Variants in NET1 observed in about 807,000 individuals in gnomAD.
NET1 encodes neuroepithelial cell-transforming gene 1 protein.
NET1 carries 42 observed loss-of-function variants against 61.1 expected under a neutral mutation model. The ratio of observed to expected loss-of-function variants is 0.69; its 90% CI spans 0.54 to 0.89. The LOEUF is 0.89. Ranked by LOEUF, NET1 falls within the 40% of genes least tolerant of loss-of-function variation. The pLI is 0.00. For synonymous variants in NET1, 254 were observed against 281.8 expected (o/e 0.90, Z 0.99); for missense variants, 654 against 747.3 (o/e 0.88, Z 1.46).
In NET1 at chr10:5,446,865, CTT is replaced by C; in HGVS notation, c.256-4963_256-4962del. ...GTCCTTCAGAGAACAAGAGGTAAGA[CTT>C]TAAGAGAAACGTTAGGCAAAAGGAA... On this transcript the variant is annotated intron_variant, in intron 3 of 11. Transcript: ENST00000355029. The surrounding 1 kb of genome is among the most constrained non-coding windows in gnomAD (Gnocchi z 5.0). 1.3e-6 allele frequency: 2 copies of C among 1,597,524 alleles called. No individual in the cohort carries two copies. Among genetic ancestry groups the C allele is most frequent in the Non-Finnish European group, 1.7e-6 (2 of 1,170,176 alleles).
chr10:5,433,030 G>T (rs1832373384), intron 3 of NET1, among the ~76,000 whole-genome samples: 1 of 151,978 alleles, frequency 6.6e-6, no homozygotes, highest in Non-Finnish European at 1.5e-5. Context: ...AAATACTATT[G>T]CTTGACTTGT....
At position 5,441,340 on chromosome 10, in the gene NET1, G is replaced by A. The variant is rs1452969757; in HGVS notation, c.256-10490G>A. Among the ~76,000 whole-genome samples the A allele has an allele frequency of 6.6e-6, 1 of 152,250 alleles. No homozygotes were observed. Among genetic ancestry groups the A allele is most frequent in the Non-Finnish European group, 1.5e-5 (1 of 68,038 alleles). ...TGCAGCTGAGGCAAGGGACTGTGGG[G>A]TCACTCCTGTGGGGAGCCAGTTGCT... is the stretch of plus-strand genomic sequence containing the variant. On this transcript the variant is annotated intron_variant, in intron 3 of 11. Transcript: ENST00000355029. This position sits in a 1 kb window ranked among gnomAD's most constrained non-coding sequence, Gnocchi z 4.6.
At chr10:5,442,849 C>G (rs1832543450) in intron 3 of NET1, among the ~76,000 whole-genome samples, 1 of 149,768 alleles carries the variant, frequency 6.7e-6, no homozygotes, top group Non-Finnish European at 1.5e-5. Flanking sequence ...GGCACTCCAG[C>G]CTGGACAACA....
chr10:5,434,428 T>A (rs1380126876), intron 3 of NET1, among the ~76,000 whole-genome samples: 1 of 152,192 alleles, frequency 6.6e-6, no homozygotes, highest in African/African-American at 2.4e-5. Flanking sequence ...ATTGTTCTTG[T>A]TCTCAGCCTG....
rs1832855425 is a variant in NET1, at chr10:5,458,948, T to C, written c.*1954T>C. Among the ~76,000 whole-genome samples, 1 of 152,234 alleles carries C rather than the reference T, an allele frequency of 6.6e-6. No individual in the cohort carries two copies. The highest frequency in any genetic ancestry group is 2.4e-5 in the African/African-American group (1 of 41,458). On this transcript the variant is annotated 3_prime_UTR_variant, in exon 12 of 12. Transcript: ENST00000355029. The surrounding 1 kb of genome is among the most constrained non-coding windows in gnomAD (Gnocchi z 4.5). ...AAGCAAGTAATAGTTCAAGTGTTGTTAATGGAATTATGTTTTATTTAAAAC... is the reference window on the plus strand; with the variant it reads ...AAGCAAGTAATAGTTCAAGTGTTGTCAATGGAATTATGTTTTATTTAAAAC...
At position 5,412,804 on chromosome 10, in the gene NET1, T is replaced by A; in HGVS notation, c.112T>A (p.Ser38Thr). 1.4e-6 allele frequency: 2 copies of A among 1,432,330 alleles called. No homozygotes were observed. Among genetic ancestry groups the A allele is most frequent in the Non-Finnish European group, 1.8e-6 (2 of 1,097,316 alleles). The allele number at this position is 1,432,330 out of a possible 1,614,324, so 88.7% of individuals were successfully genotyped here. A position where few individuals can be genotyped will look rare whatever the true frequency, so the allele number is the denominator to read the frequency against. Residue 38 changes from serine (S) to threonine (T), a missense_variant, in exon 1 of 12, where the codon TCG becomes ACG. Transcript: ENST00000355029. The surrounding 1 kb of genome is among the most constrained non-coding windows in gnomAD (Gnocchi z 6.5). ...GGGGCCTTCGGCCGACACCTCCGGG[T>A]CGGAGCTGGACGGGAGGTGAGTGTG... ...ATGPSADTSG[S>T]ELDGRCSLRR...
In NET1 at chr10:5,456,556, ATTTC is replaced by A. The variant is rs781648304; in HGVS notation, c.1385-28_1385-25del. On this transcript the variant is annotated intron_variant, in intron 11 of 11. Coordinates refer to ENST00000355029, the MANE Select transcript of NET1 (RefSeq NM_001047160.3). This position sits in a 1 kb window ranked among gnomAD's most constrained non-coding sequence, Gnocchi z 7.0. The stretch of plus-strand genomic sequence containing the variant: ...CTAGAATAAACCTTTTTTTAGCCTG[ATTTC>A]TTTTTTTTTTCCAATTTTTTTTTTC... The A allele has an allele frequency of 8.0e-6, 12 of 1,507,874 alleles. No homozygotes were observed. Among genetic ancestry groups the A allele is most frequent in the Admixed American group, 2.3e-5 (1 of 43,574 alleles). The allele number at this position is 1,507,874 out of a possible 1,614,324, so 93.4% of individuals were successfully genotyped here.
At chr10:5,418,517 A>G (rs1588422624) in intron 1 of NET1, among the ~76,000 whole-genome samples, 2 of 152,012 alleles carry the variant, frequency 1.3e-5, no homozygotes, top group Middle Eastern at 6.8e-3. Context: ...TGATTCTTGT[A>G]ATTTGTGTCT....
chr10:5,413,136 G>T (rs1252857201), intron 1 of NET1, among the ~76,000 whole-genome samples: 1 of 152,050 alleles, frequency 6.6e-6, no homozygotes, highest in Non-Finnish European at 1.5e-5. Context: ...CCCAAACTGC[G>T]ATTTTCCCTG....
Position 5,453,863 on chromosome 10 carries a change from G to A in NET1, c.768+303G>A, listed in dbSNP as rs138268784. Among the ~76,000 whole-genome samples the A allele has an allele frequency of 3.3e-5, 5 of 152,248 alleles. No individual in the cohort carries two copies. Among genetic ancestry groups the A allele is most frequent in the South Asian group, 4.1e-4 (2 of 4,828 alleles). The stretch of plus-strand genomic sequence containing the variant: ...GTATGTTTAAGCGCATGCCAAATGC[G>A]GGGCACTGTTTGAGGAGGAGTCGCT... On this transcript the variant is annotated intron_variant, in intron 8 of 11. Transcript: ENST00000355029. This position sits in a 1 kb window ranked among gnomAD's most constrained non-coding sequence, Gnocchi z 4.9.
chr10:5,430,852 A>T (rs1363505713), intron 3 of NET1, among the ~76,000 whole-genome samples: 1 of 147,396 alleles, frequency 6.8e-6, no homozygotes, highest in East Asian at 2.0e-4. Context: ...AATAAGACAC[A>T]TACATTATGA....
In NET1 at chr10:5,417,503, A is replaced by C. The variant is rs781272367; in HGVS notation, c.128+4683A>C. 6.6e-6 allele frequency among the ~76,000 whole-genome samples: 1 copy of C among 152,128 alleles called. No individual in the cohort carries two copies. Among genetic ancestry groups the C allele is most frequent in the Non-Finnish European group, 1.5e-5 (1 of 68,024 alleles). On this transcript the variant is annotated intron_variant, in intron 1 of 11. Coordinates refer to ENST00000355029, the MANE Select transcript of NET1 (RefSeq NM_001047160.3). The surrounding 1 kb of genome is among the most constrained non-coding windows in gnomAD (Gnocchi z 5.5). ...ATTTCAATTGTATAGGAATACATAC[A>C]ATTGATTTTTGTATATCGATCTTGG...
rs376079720 is a variant in NET1 at position 5,451,849 on chromosome 10, T to C, written c.275T>C (p.Val92Ala). 4.3e-6 allele frequency: 7 copies of C among 1,613,610 alleles called. No homozygotes were observed. In the African/African-American group the frequency reaches 8.0e-5, roughly 18 times the overall value. Residue 92 changes from valine to alanine, a missense_variant, in exon 4 of 12, where the codon GTT becomes GCT. Val to Ala is a moderately conservative substitution (Grantham distance 64). Coordinates refer to ENST00000355029, the MANE Select transcript of NET1 (RefSeq NM_001047160.3). The surrounding 1 kb of genome is among the most constrained non-coding windows in gnomAD (Gnocchi z 6.1). ...LDLKEPSNKR[V>A]RPLARVTSLA... ...TTATAGGAGCCAAGCAATAAAAGAGTTCGACCTCTGGCTCGTGTCACGTCC... is the reference window on the plus strand; with the variant it reads ...TTATAGGAGCCAAGCAATAAAAGAGCTCGACCTCTGGCTCGTGTCACGTCC...
In NET1 at chr10:5,412,912, G is replaced by C. The variant is rs547745594; in HGVS notation, c.128+92G>C. Reference sequence around the variant, plus strand: ...GTGAGTGTTGGAGAGGCAAGGGCCGGGGGGAGGGGAGGGCTGGCCGGGAGT... The same window carrying C: ...GTGAGTGTTGGAGAGGCAAGGGCCGCGGGGAGGGGAGGGCTGGCCGGGAGT... On this transcript the variant is annotated intron_variant, in intron 1 of 11. Coordinates refer to ENST00000355029, the MANE Select transcript of NET1 (RefSeq NM_001047160.3). This position sits in a 1 kb window ranked among gnomAD's most constrained non-coding sequence, Gnocchi z 6.5. The C allele has an allele frequency of 4.2e-6, 5 of 1,187,962 alleles. No homozygotes were observed. Among genetic ancestry groups the C allele is most frequent in the South Asian group, 3.4e-5 (1 of 29,058 alleles). The allele number at this position is 1,187,962 out of a possible 1,614,324, so 73.6% of individuals were successfully genotyped here.
chr10:5,440,875 G>C lies in NET1; in HGVS notation c.256-10955G>C, dbSNP rs116945287. Among the ~76,000 whole-genome samples the C allele has an allele frequency of 6.6e-6, 1 of 152,154 alleles. No homozygotes were observed. Among genetic ancestry groups the C allele is most frequent in the South Asian group, 2.1e-4 (1 of 4,834 alleles). On this transcript the variant is annotated intron_variant, in intron 3 of 11. Coordinates refer to ENST00000355029, the MANE Select transcript of NET1 (RefSeq NM_001047160.3). This position sits in a 1 kb window ranked among gnomAD's most constrained non-coding sequence, Gnocchi z 4.1. The stretch of plus-strand genomic sequence containing the variant: ...GTCCTTATCACCATTTTACTAGTGA[G>C]TGAGTCTGTTTCAGAGTCCCATCCT...
rs1832606953 is a variant in NET1 at position 5,446,318 on chromosome 10, T to C, written c.256-5512T>C. ...TGTCAAGTTGTCCATACTGAACTTA[T>C]TCCCATGCAATAGGGTTTTATGGGA... On this transcript the variant is annotated intron_variant, in intron 3 of 11. Coordinates refer to ENST00000355029, the MANE Select transcript of NET1 (RefSeq NM_001047160.3). This position sits in a 1 kb window ranked among gnomAD's most constrained non-coding sequence, Gnocchi z 5.0. Among the ~76,000 whole-genome samples, 1 of 152,234 alleles carries C rather than the reference T, an allele frequency of 6.6e-6. No homozygotes were observed. The highest frequency in any genetic ancestry group is 2.4e-5 in the African/African-American group (1 of 41,466).
rs1301334970 is a variant in NET1 at position 5,440,845 on chromosome 10, C to G, written c.256-10985C>G. On this transcript the variant is annotated intron_variant, in intron 3 of 11. Coordinates refer to ENST00000355029, the MANE Select transcript of NET1 (RefSeq NM_001047160.3). The surrounding 1 kb of genome is among the most constrained non-coding windows in gnomAD (Gnocchi z 4.1). ...CTCTGTGTCTCATCCCTATTCATACCTGTAGTCCTTATCACCATTTTACTA... is the reference window on the plus strand; with the variant it reads ...CTCTGTGTCTCATCCCTATTCATACGTGTAGTCCTTATCACCATTTTACTA... 6.6e-6 allele frequency among the ~76,000 whole-genome samples: 1 copy of G among 152,168 alleles called. No individual in the cohort carries two copies. The highest frequency in any genetic ancestry group is 6.5e-5 in the Admixed American group (1 of 15,272).
Position 5,437,843 on chromosome 10 carries a change from G to A in NET1, c.255+8614G>A, listed in dbSNP as rs1227390339. Among the ~76,000 whole-genome samples, 6 of 151,898 alleles carry A rather than the reference G, an allele frequency of 4.0e-5. No homozygotes were observed. Among genetic ancestry groups the A allele is most frequent in the African/African-American group, 9.7e-5 (4 of 41,334 alleles). ...GCATGTAGAACATTCCAGGATAGACGGTATGTCAGGCTGCAAAACAAGTCT... is the reference window on the plus strand; with the variant it reads ...GCATGTAGAACATTCCAGGATAGACAGTATGTCAGGCTGCAAAACAAGTCT... On this transcript the variant is annotated intron_variant, in intron 3 of 11. Coordinates refer to ENST00000355029, the MANE Select transcript of NET1 (RefSeq NM_001047160.3). The surrounding 1 kb of genome is among the most constrained non-coding windows in gnomAD (Gnocchi z 4.3).
At position 5,427,719 on chromosome 10, in the gene NET1, T is replaced by A. The variant is rs115932498; in HGVS notation, c.195+998T>A. ...TGTCTTAGATCATTTTCCTAATGTC[T>A]TTTAGCTCAATTCAAAACAGTGTGT... On this transcript the variant is annotated intron_variant, in intron 2 of 11. Transcript: ENST00000355029. This position sits in a 1 kb window ranked among gnomAD's most constrained non-coding sequence, Gnocchi z 4.1. Among the ~76,000 whole-genome samples, 103 of 152,344 alleles carry A rather than the reference T, an allele frequency of 6.8e-4. 1 individual carries two copies. Among genetic ancestry groups the A allele is most frequent in the African/African-American group, 2.4e-3 (100 of 41,586 alleles).
Sources: allele counts gnomAD v4.1 joint callset (sites outside exome capture counted in the v4.1 genomes callset), GRCh38; gene constraint gnomAD v4.1.1; non-coding constraint Gnocchi (gnomAD v3.1); transcripts MANE v1.5; gene names NCBI Gene and HGNC (gene_info 2026-07-23, HGNC 2026-07-21).